ZBTB18: variants seen among roughly 807,000 people sequenced by gnomAD.
The protein encoded by ZBTB18 is zinc finger and BTB domain containing 18, also known as zinc finger and BTB domain-containing protein 18.
Under a neutral mutation model 37.7 loss-of-function variants are expected in ZBTB18, and 2 were observed. The ratio of observed to expected loss-of-function variants is 0.05; its 90% CI spans 0.02 to 0.17. ZBTB18 has a LOEUF of 0.17. Among genes scored for constraint, ZBTB18 ranks in the 10% least tolerant of loss-of-function variants. The pLI is 1.00. For synonymous variants in ZBTB18, 304 were observed against 276.5 expected, an observed-to-expected ratio of 1.10 and a Z score of -0.99; for missense variants, 408 against 686.3, an observed-to-expected ratio of 0.59 and a Z score of 4.53.
intron 1 of ZBTB18, among the ~76,000 whole-genome samples, chr1:244,051,761 A>T (rs1698358201): frequency 6.6e-6 from 1 of 152,114 alleles, no homozygotes; most frequent in Admixed American, 6.5e-5. Flanking sequence ...TTTAGATTTG[A>T]TTGGGGTGGT....
chr1:244,050,404 G>A (rs955661690), upstream of ZBTB18, among the ~76,000 whole-genome samples: 1 of 147,132 alleles, frequency 6.8e-6, no homozygotes, highest in Admixed American at 6.8e-5. Flanking sequence ...CCCACACAAA[G>A]ATTTTCTTGT....
In ZBTB18 at chr1:244,055,163, C is replaced by T; in HGVS notation, c.1389C>T (p.Ser463=). Residue 463 remains serine, a synonymous_variant, in exon 2 of 2, where the codon AGC becomes AGT. Transcript: ENST00000358704. This position sits in a 1 kb window ranked among gnomAD's most constrained non-coding sequence, Gnocchi z 7.0. ...GCTTCCAGTACTCGCACAACCTGAG[C>T]CGCCATGCCGTGGTGCACACCCGCG... ...GKSFQYSHNL[S]RHAVVHTREK... is the part of the protein sequence containing the mutation. 1 of 1,614,094 alleles carries T rather than the reference C, an allele frequency of 6.2e-7. No individual in the cohort carries two copies. The highest frequency in any genetic ancestry group is 8.5e-7 in the Non-Finnish European group (1 of 1,180,036).
Position 244,055,413 on chromosome 1 carries a change from T to TTTCC in ZBTB18, c.*43_*44insTTCC. The TTTCC allele has an allele frequency of 1.6e-6, 1 of 638,162 alleles. No individual in the cohort carries two copies. The allele number at this position is 638,162 out of a possible 1,614,324, so 39.5% of individuals were successfully genotyped here. ...TAATATATATATATATACATATATA[T>TTTCC]AAATAGATCTCTATATAGTTGTGGT... On this transcript the variant is annotated 3_prime_UTR_variant, in exon 2 of 2. Coordinates refer to ENST00000358704, the MANE Select transcript of ZBTB18 (RefSeq NM_205768.3). This position sits in a 1 kb window ranked among gnomAD's most constrained non-coding sequence, Gnocchi z 7.0.
chr1:244,054,920 C>T lies in ZBTB18; in HGVS notation c.1146C>T (p.Pro382=), dbSNP rs757940501. ...LSPAGQIFMC[P]LCNKVFPSPH... is the part of the protein sequence containing the mutation. The stretch of plus-strand genomic sequence containing the variant: ...CCGCGGGCCAGATCTTCATGTGCCC[C>T]CTGTGCAACAAGGTCTTCCCCAGCC... Residue 382 remains proline (P), a synonymous_variant, in exon 2 of 2, where the codon CCC becomes CCT. Coordinates refer to ENST00000358704, the MANE Select transcript of ZBTB18 (RefSeq NM_205768.3). The surrounding 1 kb of genome is among the most constrained non-coding windows in gnomAD (Gnocchi z 9.0). 5.0e-6 allele frequency: 8 copies of T among 1,614,168 alleles called. No individual in the cohort carries two copies. Among genetic ancestry groups the T allele is most frequent in the East Asian group, 2.2e-5 (1 of 44,872 alleles).
chr1:244,051,957 A>AG (rs1698364306), intron 1 of ZBTB18, among the ~76,000 whole-genome samples: 1 of 152,150 alleles, frequency 6.6e-6, no homozygotes, highest in Non-Finnish European at 1.5e-5. Flanking sequence ...AAGAAGAAGA[A>AG]AAAAAAACCA....
Position 244,051,405 on chromosome 1 carries a change from C to G in ZBTB18, c.-27C>G, listed in dbSNP as rs1443082410. The G allele has an allele frequency of 1.2e-6, 2 of 1,613,928 alleles. No individual in the cohort carries two copies. The highest frequency in any genetic ancestry group is 2.2e-5 in the South Asian group (2 of 91,056). On this transcript the variant is annotated 5_prime_UTR_variant, in exon 1 of 2. Transcript: ENST00000358704. ...TGTAACAGACCTGGAGCCAGCAGGA[C>G]TCAGAGGAAAGGACTTAATCAGGTT... is the stretch of plus-strand genomic sequence containing the variant.
At position 244,053,764 on chromosome 1, in the gene ZBTB18, A is replaced by G. The variant is rs759568958; in HGVS notation, c.14-24A>G. The G allele has an allele frequency of 1.9e-6, 3 of 1,583,204 alleles. No individual in the cohort carries two copies. Among genetic ancestry groups the G allele is most frequent in the South Asian group, 1.2e-5 (1 of 86,916 alleles). On this transcript the variant is annotated intron_variant, in intron 1 of 1. Transcript: ENST00000358704. This position sits in a 1 kb window ranked among gnomAD's most constrained non-coding sequence, Gnocchi z 5.2. The stretch of plus-strand genomic sequence containing the variant: ...GAAAAGTTGTTCCTGACCAGGCTCT[A>G]ATGAGAAATTCCTCTCTCCCCAGGT...
At chr1:244,051,792 C>T (rs944249079) in intron 1 of ZBTB18, among the ~76,000 whole-genome samples, 18 of 152,106 alleles carry the variant, frequency 1.2e-4, no homozygotes, top group Admixed American at 1.2e-3. Flanking sequence ...AAATAGTAAA[C>T]TGGAATCCAG....
chr1:244,049,123 C>A (rs1230063804), upstream of ZBTB18: 5 of 139,322 alleles, frequency 3.6e-5, no homozygotes, highest in South Asian at 8.3e-4. Flanking sequence ...CGGGCCGGGT[C>A]GGGGGCGCCC....
At chr1:244,048,637 C>CCCT (rs1558146741), upstream of ZBTB18, among the ~76,000 whole-genome samples, 2 of 135,654 alleles carry the variant, frequency 1.5e-5, 1 homozygote, top group Non-Finnish European at 3.4e-5. Flanking sequence ...CGCCCCCCCC[C>CCCT]CGCCCCCGCC....
rs529044378 is a variant in ZBTB18, at chr1:244,054,412, A to T, written c.638A>T (p.His213Leu). 1.9e-6 allele frequency: 3 copies of T among 1,614,172 alleles called. No individual in the cohort carries two copies. The African/African-American group carries it at 4.0e-5, about 22-fold the overall frequency. ...IPQAGGEAEPHATAAGKTVAS... is the reference protein window; with the variant it reads ...IPQAGGEAEPLATAAGKTVAS... ...CAGGCTGGCGGAGAGGCAGAGCCAC[A>T]CGCCACAGCAGCTGGAAAAACAGTA... is the stretch of plus-strand genomic sequence containing the variant. The change falls in exon 2 of 2, where the codon CAC becomes CTC. Residue 213 changes from histidine (H) to leucine (L), a missense_variant. This residue lies in a region of ZBTB18 where 266 missense variants were observed against 312.0 expected (regional missense o/e 0.85). Coordinates refer to ENST00000358704, the MANE Select transcript of ZBTB18 (RefSeq NM_205768.3). This position sits in a 1 kb window ranked among gnomAD's most constrained non-coding sequence, Gnocchi z 9.0.
intron 1 of ZBTB18, among the ~76,000 whole-genome samples, chr1:244,052,124 G>T (rs1698367657): frequency 6.6e-6 from 1 of 152,152 alleles, no homozygotes; most frequent in Non-Finnish European, 1.5e-5. Context: ...TGCCTGAATT[G>T]GCCAGACAGC....
At chr1:244,051,073 G>C (rs1698339915), upstream of ZBTB18, among the ~76,000 whole-genome samples, 1 of 151,972 alleles carries the variant, frequency 6.6e-6, no homozygotes, top group Non-Finnish European at 1.5e-5. Context: ...AGAAAGTTTG[G>C]AAAAAAAGGA....
In ZBTB18 at chr1:244,055,386, AATAAT is replaced by A. The variant is rs1698443243; in HGVS notation, c.*20_*24del. 1 of 711,910 alleles carries A rather than the reference AATAAT, an allele frequency of 1.4e-6. No homozygotes were observed. Among genetic ancestry groups the A allele is most frequent in the Non-Finnish European group, 1.9e-6 (1 of 513,394 alleles). The allele number at this position is 711,910 out of a possible 1,614,324, so 44.1% of individuals were successfully genotyped here. A position where few individuals can be genotyped will look rare whatever the true frequency, so the allele number is the denominator to read the frequency against. On this transcript the variant is annotated 3_prime_UTR_variant, in exon 2 of 2. Transcript: ENST00000358704. This position sits in a 1 kb window ranked among gnomAD's most constrained non-coding sequence, Gnocchi z 7.0. ...TTGGAAATAATTTTATATATATATA[AATAAT>A]ATATATATATATACATATATATAAA...
Position 244,051,322 on chromosome 1 carries a change from T to G in ZBTB18, c.-110T>G, listed in dbSNP as rs555635511. ...TGTGGTGGAGAAGGTATCTCATTCC[T>G]CTCTAACATCATCTCCACTTTGCAT... On this transcript the variant is annotated 5_prime_UTR_variant, in exon 1 of 2. Coordinates refer to ENST00000358704, the MANE Select transcript of ZBTB18 (RefSeq NM_205768.3). The G allele has an allele frequency of 8.3e-7, 1 of 1,198,330 alleles. No individual in the cohort carries two copies. Among genetic ancestry groups the G allele is most frequent in the African/African-American group, 1.5e-5 (1 of 65,872 alleles). 74.2% of individuals were successfully genotyped at this position (1,198,330 alleles called of 1,614,324 possible).
upstream of ZBTB18, among the ~76,000 whole-genome samples, chr1:244,049,514 G>A (rs1328479534): frequency 3.3e-5 from 5 of 151,782 alleles, no homozygotes; most frequent in Admixed American, 1.3e-4. Flanking sequence ...AGGCCCCGGG[G>A]GCTCGCGCGT....
upstream of ZBTB18, among the ~76,000 whole-genome samples, chr1:244,049,876 G>A (rs1698314294): frequency 6.6e-6 from 1 of 152,076 alleles, no homozygotes; most frequent in Admixed American, 6.5e-5. Flanking sequence ...GGCCCATTGC[G>A]GTGCCCGGGA....
In ZBTB18 at chr1:244,053,648, G is replaced by C. The variant is rs1304209025; in HGVS notation, c.14-140G>C. ...TAGGTCTTGTCCGTGTGATTTGGTG[G>C]TGCTTGGGTCATAAGCCTGATTAAA... On this transcript the variant is annotated intron_variant, in intron 1 of 1. Coordinates refer to ENST00000358704, the MANE Select transcript of ZBTB18 (RefSeq NM_205768.3). The surrounding 1 kb of genome is among the most constrained non-coding windows in gnomAD (Gnocchi z 5.2). 3 of 1,275,406 alleles carry C rather than the reference G, an allele frequency of 2.4e-6. No individual in the cohort carries two copies. The highest frequency in any genetic ancestry group is 3.2e-6 in the Non-Finnish European group (3 of 946,392). 79.0% of individuals were successfully genotyped at this position (1,275,406 alleles called of 1,614,324 possible). A position where few individuals can be genotyped will look rare whatever the true frequency, so the allele number is the denominator to read the frequency against.
At position 244,055,965 on chromosome 1, in the gene ZBTB18, A is replaced by G. The variant is rs923304523; in HGVS notation, c.*595A>G. 1.2e-5 allele frequency: 2 copies of G among 167,078 alleles called. No homozygotes were observed. The highest frequency in any genetic ancestry group is 2.9e-5 in the Non-Finnish European group (2 of 68,114). The allele number at this position is 167,078 out of a possible 1,614,324, so 10.3% of individuals were successfully genotyped here. ...GAAATGCTGAAAGTACACTGGGATC[A>G]CTGGGACACTGTCTTATGAAGGTTT... On this transcript the variant is annotated 3_prime_UTR_variant, in exon 2 of 2. Coordinates refer to ENST00000358704, the MANE Select transcript of ZBTB18 (RefSeq NM_205768.3). This position sits in a 1 kb window ranked among gnomAD's most constrained non-coding sequence, Gnocchi z 7.0.
Sources: gnomAD v4.1 joint callset for allele counts (sites outside exome capture counted in the v4.1 genomes callset) on GRCh38, gnomAD v4.1.1 for gene constraint, gnomAD v4.1.1 regional missense constraint, Gnocchi (gnomAD v3.1) non-coding constraint, MANE v1.5 for transcripts, NCBI Gene and HGNC (gene_info 2026-07-23, HGNC 2026-07-21) for gene names.